The following PMF1 variants were observed in gnomAD, a reference collection of about 807,000 sequenced individuals.
PMF1 encodes the protein polyamine-modulated factor 1.
Under a neutral mutation model 26.7 loss-of-function variants are expected in PMF1, and 21 were observed. The ratio of observed to expected loss-of-function variants is 0.79; its 90% CI spans 0.56 to 1.13. PMF1 has a LOEUF of 1.13. Ranked by LOEUF, PMF1 falls within the 50% of genes most tolerant of loss-of-function variation. The probability of loss-of-function intolerance (pLI) is 0.00; values close to 1 mark genes in which losing one functional copy is unlikely to be tolerated. For synonymous variants in PMF1, 105 were observed against 101.0 expected (o/e 1.04, Z -0.24); for missense variants, 266 against 254.9 (o/e 1.04, Z -0.30).
At chr1:156,238,008 T>C (rs538027133) in intron 4 of PMF1, among the ~76,000 whole-genome samples, 4 of 152,336 alleles carry the variant, frequency 2.6e-5, no homozygotes, top group East Asian at 3.9e-4. Context: ...CCCCAGGTGA[T>C]CCACCTGCCA....
chr1:156,214,210 G>A (rs200064245), intron 1 of PMF1, among the ~76,000 whole-genome samples: 2 of 152,112 alleles, frequency 1.3e-5, no homozygotes, highest in East Asian at 1.9e-4. Flanking sequence ...CACCGCGCCC[G>A]GCCTTCACTT....
intron 1 of PMF1, among the ~76,000 whole-genome samples, chr1:156,222,985 G>A (rs1321320114): frequency 6.6e-6 from 1 of 152,220 alleles, no homozygotes; most frequent in Non-Finnish European, 1.5e-5. Context: ...AAGACTGTTG[G>A]TGTTCATAGG....
intron 3 of PMF1, among the ~76,000 whole-genome samples, chr1:156,233,955 C>T (rs1488895787): frequency 6.6e-6 from 1 of 152,036 alleles, no homozygotes; most frequent in Non-Finnish European, 1.5e-5. Context: ...CTGACCCAAG[C>T]AGGGAGTGGT....
chr1:156,225,514 G>A (rs1417453142), intron 1 of PMF1: 1 of 1,210,994 alleles, frequency 8.3e-7, no homozygotes, highest in Admixed American at 2.0e-5. Flanking sequence ...TGCATCCCCA[G>A]CTTCTGTTTG....
At chr1:156,218,083 G>T (rs1343732342) in intron 1 of PMF1, among the ~76,000 whole-genome samples, 1 of 152,212 alleles carries the variant, frequency 6.6e-6, no homozygotes, top group African/African-American at 2.4e-5. Context: ...TGTGAAAGCG[G>T]TATCTTGTTT....
intron 4 of PMF1, among the ~76,000 whole-genome samples, chr1:156,237,680 C>CA (rs1313346729): frequency 6.6e-6 from 1 of 151,742 alleles, no homozygotes; most frequent in African/African-American, 2.4e-5. Context: ...CTCCTGGGCT[C>CA]AAGCAATTCA....
At chr1:156,219,922 GT>G (rs1395672569) in intron 1 of PMF1, among the ~76,000 whole-genome samples, 1 of 145,772 alleles carries the variant, frequency 6.9e-6, no homozygotes, top group Admixed American at 6.8e-5. Flanking sequence ...GCTAATTTTT[GT>G]ATTTTTTGTA....
chr1:156,233,647 A>G lies in PMF1; in HGVS notation c.287A>G (p.Lys96Arg). 1 of 1,614,022 alleles carries G rather than the reference A, an allele frequency of 6.2e-7. No homozygotes were observed. The highest frequency in any genetic ancestry group is 8.5e-7 in the Non-Finnish European group (1 of 1,179,940). The change falls in exon 3 of 5, where the codon AAA becomes AGA. Residue 96 changes from lysine (K) to arginine (R), a missense_variant. By Grantham distance (26) the Lys-to-Arg change is conservative. Coordinates refer to ENST00000368277, the MANE Select transcript of PMF1 (RefSeq NM_007221.4). ...TSIREEISDI[K>R]EEGNLEAVLN... is the part of the protein sequence containing the mutation. Reference sequence around the variant, plus strand: ...CTTCAGGAGGAAATCTCTGACATCAAAGAGGAGGGGAACCTAGAAGCTGTC... The same window carrying G: ...CTTCAGGAGGAAATCTCTGACATCAGAGAGGAGGGGAACCTAGAAGCTGTC...
At chr1:156,232,983 G>A (rs763772270) in intron 2 of PMF1, among the ~76,000 whole-genome samples, 1 of 141,918 alleles carries the variant, frequency 7.0e-6, no homozygotes, top group Non-Finnish European at 1.5e-5. Context: ...GCAGTGGCGT[G>A]ATCTCAGCTC....
Position 156,222,126 on chromosome 1 carries a change from C to T in PMF1, c.161+8950C>T, listed in dbSNP as rs558076570. Among the ~76,000 whole-genome samples the T allele has an allele frequency of 4.6e-5, 7 of 152,320 alleles. No homozygotes were observed. In the East Asian group the frequency reaches 1.4e-3, roughly 29 times the overall value. On this transcript the variant is annotated intron_variant, in intron 1 of 4. Coordinates refer to ENST00000368277, the MANE Select transcript of PMF1 (RefSeq NM_007221.4). ...CCTTAGCACAGTGTACAAGGCCATTCCTTCCCATCTCACCAACCCCAAGTC... is the reference window on the plus strand; with the variant it reads ...CCTTAGCACAGTGTACAAGGCCATTTCTTCCCATCTCACCAACCCCAAGTC...
At chr1:156,234,335 G>T (rs374447865) in intron 3 of PMF1, among the ~76,000 whole-genome samples, 1 of 148,116 alleles carries the variant, frequency 6.8e-6, no homozygotes, top group Non-Finnish European at 1.5e-5. Flanking sequence ...TTTAGGGTCT[G>T]TTGGTCCTGT....
At chr1:156,228,947 C>T (rs915901423) in intron 1 of PMF1, among the ~76,000 whole-genome samples, 27 of 152,050 alleles carry the variant, frequency 1.8e-4, no homozygotes, top group Admixed American at 9.2e-4. Flanking sequence ...CTTGCTGTGT[C>T]GCCCAGGCTG....
intron 1 of PMF1, among the ~76,000 whole-genome samples, chr1:156,219,585 C>A (rs978574804): frequency 6.6e-6 from 1 of 151,996 alleles, no homozygotes; most frequent in Non-Finnish European, 1.5e-5. Context: ...CCCATCTTTT[C>A]TCTTTATTTA....
At chr1:156,229,576 G>GA in intron 1 of PMF1, among the ~76,000 whole-genome samples, 1 of 147,210 alleles carries the variant, frequency 6.8e-6, no homozygotes, top group East Asian at 2.0e-4. Flanking sequence ...TTTTGTTTTT[G>GA]TTTTTTTTTT....
rs58481427 is a variant in PMF1 at position 156,225,282 on chromosome 1, CTTTTTTT to C, written c.162-7018_162-7012del. Among the ~76,000 whole-genome samples the C allele has an allele frequency of 3.6e-4, 26 of 71,708 alleles. No homozygotes were observed. In the East Asian group the frequency reaches 6.6e-3, roughly 18 times the overall value. 47.0% of individuals were successfully genotyped at this position (71,708 alleles called of 152,430 possible). A position where few individuals can be genotyped will look rare whatever the true frequency, so the allele number is the denominator to read the frequency against. ...GAATTTCTGTCACTCCAGTCCTCAGCTTTTTTTTTTTTTTTTTTTTTTTTTTAATTTC... is the reference window on the plus strand; with the variant it reads ...GAATTTCTGTCACTCCAGTCCTCAGCTTTTTTTTTTTTTTTTTTTAATTTC... On this transcript the variant is annotated intron_variant, in intron 1 of 4. Coordinates refer to ENST00000368277, the MANE Select transcript of PMF1 (RefSeq NM_007221.4).
chr1:156,236,276 G>T lies in PMF1; in HGVS notation c.369-12G>T, dbSNP rs745451608. Reference sequence around the variant, plus strand: ...GCCTCCTTCATTCCTTGTGCCCCGTGTGGCCCTCCAGGCGCCCCAGCGGGA... The same window carrying T: ...GCCTCCTTCATTCCTTGTGCCCCGTTTGGCCCTCCAGGCGCCCCAGCGGGA... On this transcript the variant is annotated splice_polypyrimidine_tract_variant and intron_variant, in intron 3 of 4. Transcript: ENST00000368277. 22 of 1,601,224 alleles carry T rather than the reference G, an allele frequency of 1.4e-5. No individual in the cohort carries two copies. The Admixed American group carries it at 3.4e-4, about 24-fold the overall frequency.
intron 1 of PMF1, among the ~76,000 whole-genome samples, chr1:156,226,349 A>G (rs1658371792): frequency 6.6e-6 from 1 of 152,152 alleles, no homozygotes; most frequent in Non-Finnish European, 1.5e-5. Flanking sequence ...AGTTACTTTC[A>G]TTTCTGATAA....
intron 1 of PMF1, among the ~76,000 whole-genome samples, chr1:156,215,649 C>A (rs771504538): frequency 6.6e-6 from 1 of 152,062 alleles, no homozygotes; most frequent in Non-Finnish European, 1.5e-5. Flanking sequence ...ACCTCAGCCT[C>A]CCAGAGTGCT....
rs928734742 is a variant in PMF1, at chr1:156,215,239, TC to T, written c.161+2066del. On this transcript the variant is annotated intron_variant, in intron 1 of 4. Coordinates refer to ENST00000368277, the MANE Select transcript of PMF1 (RefSeq NM_007221.4). ...GGAAAAGGGGACAGCCTGTGCAAAG[TC>T]CCTGAGGTGATCAGATATTCCAGGA... Among the ~76,000 whole-genome samples, 28 of 152,236 alleles carry T rather than the reference TC, an allele frequency of 1.8e-4. No homozygotes were observed. The South Asian group carries it at 5.2e-3, about 28-fold the overall frequency.
Sources: allele counts gnomAD v4.1 joint callset (sites outside exome capture counted in the v4.1 genomes callset), GRCh38; gene constraint gnomAD v4.1.1; transcripts MANE v1.5; gene names NCBI Gene and HGNC (gene_info 2026-07-23, HGNC 2026-07-21).